ZMYM4: variants seen among roughly 807,000 people sequenced by gnomAD.
ZMYM4 encodes zinc finger MYM-type protein 4.
Under a neutral mutation model 183.2 loss-of-function variants are expected in ZMYM4, and 31 were observed. The observed-to-expected ratio is 0.17, with a 90% CI of 0.13 to 0.23. ZMYM4 has a LOEUF of 0.23. Among genes scored for constraint, ZMYM4 ranks in the 10% least tolerant of loss-of-function variants. The pLI, the probability that ZMYM4 is intolerant of heterozygous loss-of-function variation, is 1.00. For synonymous variants in ZMYM4, 592 were observed against 631.2 expected, an observed-to-expected ratio of 0.94 and a Z score of 0.93; for missense variants, 1,273 against 1,840.3, an observed-to-expected ratio of 0.69 and a Z score of 5.64.
intron 2 of ZMYM4, among the ~76,000 whole-genome samples, chr1:35,344,065 T>C (rs1643302824): frequency 6.6e-6 from 1 of 151,558 alleles, no homozygotes; most frequent in Admixed American, 6.6e-5. Context: ...TTTTTCCTTT[T>C]TTTTTTTTGA....
intron 2 of ZMYM4, among the ~76,000 whole-genome samples, chr1:35,356,821 T>G (rs538796459): frequency 3.2e-4 from 49 of 152,252 alleles, no homozygotes; most frequent in African/African-American, 1.1e-3. Flanking sequence ...GTGAAATGAT[T>G]TATATTTTGG....
chr1:35,303,408 TTTTG>T (rs543398822), intron 1 of ZMYM4, among the ~76,000 whole-genome samples: 26 of 152,198 alleles, frequency 1.7e-4, no homozygotes, highest in Middle Eastern at 3.4e-3. Context: ...AATTTGTGTT[TTTTG>T]TTTGTTTGTT....
chr1:35,388,226 A>G (rs2148983278), intron 13 of ZMYM4, among the ~76,000 whole-genome samples: 2 of 152,236 alleles, frequency 1.3e-5, no homozygotes, highest in Admixed American at 1.3e-4. Context: ...GTTTTTTGAG[A>G]CAGAGTCTTG....
chr1:35,370,610 T>C lies in ZMYM4; in HGVS notation c.1164T>C (p.Thr388=), dbSNP rs763668936. Reference sequence around the variant, plus strand: ...CACCGCCTCCTCTCACCAAGAAAACTTGTTCAAGTTGCTCAAAGTATAGCA... The same window carrying C: ...CACCGCCTCCTCTCACCAAGAAAACCTGTTCAAGTTGCTCAAAGTATAGCA... ...ARPPPPLTKK[T]CSSCSKDILN... The change falls in exon 7 of 30, where the codon ACT becomes ACC. Residue 388 remains threonine, a synonymous_variant. Coordinates refer to ENST00000314607, the MANE Select transcript of ZMYM4 (RefSeq NM_005095.3). 9 of 1,608,816 alleles carry C rather than the reference T, an allele frequency of 5.6e-6. No homozygotes were observed. The highest frequency in any genetic ancestry group is 1.3e-5 in the African/African-American group (1 of 74,834).
At chr1:35,325,216 T>C in intron 1 of ZMYM4, 144 bp from the exon 2 acceptor site, 1 of 655,590 alleles carries the variant, frequency 1.5e-6, no homozygotes, top group Non-Finnish European at 2.3e-6. Context: ...TATTTTACTC[T>C]ATTTGGCAAT....
intron 4 of ZMYM4, among the ~76,000 whole-genome samples, 179 bp downstream of exon 4, chr1:35,361,434 G>A (rs181966684): frequency 6.6e-6 from 1 of 151,922 alleles, no homozygotes; most frequent in South Asian, 2.1e-4. Flanking sequence ...AAATCTTAGG[G>A]TCTTTATTTG....
At chr1:35,301,460 C>T (rs750259918) in intron 1 of ZMYM4, among the ~76,000 whole-genome samples, 18 of 151,274 alleles carry the variant, frequency 1.2e-4, no homozygotes, top group Non-Finnish European at 7.4e-5. Context: ...ACAGGAGGAT[C>T]GCTTGAACCT....
intron 1 of ZMYM4, among the ~76,000 whole-genome samples, chr1:35,300,626 T>G (rs1641237078): frequency 6.6e-6 from 1 of 152,214 alleles, no homozygotes; most frequent in Non-Finnish European, 1.5e-5. Flanking sequence ...GGACTGTTTC[T>G]TTTGCTGTAT....
At chr1:35,372,445 A>G (rs2148939916) in intron 7 of ZMYM4, among the ~76,000 whole-genome samples, 1 of 152,322 alleles carries the variant, frequency 6.6e-6, no homozygotes, top group Non-Finnish European at 1.5e-5. Flanking sequence ...AGAATTGAAG[A>G]TGTATTGTAC....
At chr1:35,292,864 C>T (rs761760376) in intron 1 of ZMYM4, among the ~76,000 whole-genome samples, 27 of 152,264 alleles carry the variant, frequency 1.8e-4, no homozygotes, top group African/African-American at 6.0e-4. Context: ...ATTTCCCCAC[C>T]GCCTTCCCGC....
In ZMYM4 at chr1:35,320,817, T is replaced by C. The variant is rs80318493; in HGVS notation, c.40-4543T>C. On this transcript the variant is annotated intron_variant, in intron 1 of 29. Coordinates refer to ENST00000314607, the MANE Select transcript of ZMYM4 (RefSeq NM_005095.3). The stretch of plus-strand genomic sequence containing the variant: ...AATGTTCTGTGTTGCGAGACTGTTA[T>C]AGCAGAAAAATAATCTTTTGTTTGT... Among the ~76,000 whole-genome samples the C allele has an allele frequency of 7.0e-3, 1,059 of 152,358 alleles. 26 individuals are homozygous for C. Among genetic ancestry groups the C allele is most frequent in the East Asian group, 0.069 (360 of 5,192 alleles).
intron 1 of ZMYM4, among the ~76,000 whole-genome samples, chr1:35,318,449 G>A (rs920214813): frequency 2.6e-5 from 4 of 151,774 alleles, no homozygotes; most frequent in Admixed American, 2.0e-4. Flanking sequence ...TCCTGGTAGG[G>A]TTTTTTGTTT....
At chr1:35,358,782 T>TA in intron 2 of ZMYM4, 143 bp from the exon 3 acceptor site, 1 of 707,456 alleles carries the variant, frequency 1.4e-6, no homozygotes, top group East Asian at 2.7e-5. Context: ...CTGTCACACC[T>TA]ATATCAAAGT....
chr1:35,337,510 A>C (rs1158306521), intron 2 of ZMYM4, among the ~76,000 whole-genome samples: 1 of 152,206 alleles, frequency 6.6e-6, no homozygotes, highest in Non-Finnish European at 1.5e-5. Flanking sequence ...AATTCAGTAT[A>C]AGATGTGTTT....
intron 1 of ZMYM4, among the ~76,000 whole-genome samples, chr1:35,293,221 T>G (rs998028968): frequency 2.0e-4 from 30 of 151,680 alleles, no homozygotes; most frequent in African/African-American, 6.8e-4. Flanking sequence ...CTTAGGCTGG[T>G]CTCAAAGTCC....
At chr1:35,306,674 G>T (rs1306096819) in intron 1 of ZMYM4, among the ~76,000 whole-genome samples, 2 of 152,096 alleles carry the variant, frequency 1.3e-5, no homozygotes, top group African/African-American at 4.8e-5. Flanking sequence ...TCAAGGTTGG[G>T]CATATATGGT....
chr1:35,390,389 G>GT (rs1174717973), intron 15 of ZMYM4, among the ~76,000 whole-genome samples: 1 of 151,720 alleles, frequency 6.6e-6, no homozygotes, highest in African/African-American at 2.4e-5. Flanking sequence ...GGGTGGGGCC[G>GT]TTTTATAAGA....
intron 23 of ZMYM4, among the ~76,000 whole-genome samples, chr1:35,401,868 T>A (rs1644915448): frequency 6.6e-6 from 1 of 152,304 alleles, no homozygotes; most frequent in South Asian, 2.1e-4. Flanking sequence ...GACTATTCAT[T>A]CCCCATTGAA....
intron 1 of ZMYM4, among the ~76,000 whole-genome samples, chr1:35,277,646 T>G (rs1008228562): frequency 5.3e-5 from 8 of 152,192 alleles, no homozygotes; most frequent in African/African-American, 1.9e-4. Context: ...GTGATTTTTT[T>G]TGGTCATTTC....
Sources: allele counts gnomAD v4.1 joint callset (sites outside exome capture counted in the v4.1 genomes callset), GRCh38; gene constraint gnomAD v4.1.1; transcripts MANE v1.5; gene names NCBI Gene and HGNC (gene_info 2026-07-23, HGNC 2026-07-21).